Variants in STK10 observed in about 807,000 individuals in gnomAD.
The protein encoded by STK10 is serine/threonine-protein kinase 10.
In STK10, 78 loss-of-function variants were observed where a neutral mutation model predicts 113.8. The observed-to-expected ratio is 0.69, with a 90% CI of 0.57 to 0.83. The LOEUF (loss-of-function observed/expected upper bound fraction) is 0.83, where lower values mean the gene tolerates loss of function less well. STK10 is among the 40% of genes least tolerant of loss of function. The pLI is 0.00. For missense variants in STK10, 1,109 were observed against 1,280.1 expected, an observed-to-expected ratio of 0.87 and a Z score of 2.04; for synonymous variants, 465 against 494.7, an observed-to-expected ratio of 0.94 and a Z score of 0.80.
At chr5:172,064,656 G>T in intron 13 of STK10, 64 bp downstream of exon 13, 1 of 1,538,966 alleles carries the variant, frequency 6.5e-7, no homozygotes. Flanking sequence ...CAGAGAGGGG[G>T]CCTGGTCACC....
At chr5:172,160,430 G>A (rs977694747) in intron 1 of STK10, among the ~76,000 whole-genome samples, 1 of 151,050 alleles carries the variant, frequency 6.6e-6, no homozygotes, top group Non-Finnish European at 1.5e-5. Context: ...AGCCGAGATC[G>A]CACCACTGCA....
chr5:172,174,159 T>TTTG (rs201335043), intron 1 of STK10, among the ~76,000 whole-genome samples: 4 of 151,930 alleles, frequency 2.6e-5, no homozygotes, highest in African/African-American at 4.8e-5. Context: ...GCAGGTATTT[T>TTTG]TTGTTGTTGT....
At position 172,082,739 on chromosome 5, in the gene STK10, A is replaced by G. The variant is rs1394418437; in HGVS notation, c.1809+222T>C. On this transcript the variant is annotated intron_variant, in intron 11 of 18. Transcript: ENST00000176763. The surrounding 1 kb of genome is among the most constrained non-coding windows in gnomAD (Gnocchi z 4.3). The stretch of plus-strand genomic sequence containing the variant: ...TGTTGCACGGTGCTCAATACAGGTT[A>G]TTTCCCCTCTGGAGATCCTCCTGTG... 2.0e-5 allele frequency among the ~76,000 whole-genome samples: 3 copies of G among 152,068 alleles called. No individual in the cohort carries two copies. Among genetic ancestry groups the G allele is most frequent in the African/African-American group, 7.2e-5 (3 of 41,396 alleles).
At chr5:172,113,913 C>CAAA (rs11382952) in intron 4 of STK10, among the ~76,000 whole-genome samples, 1 of 122,258 alleles carries the variant, frequency 8.2e-6, no homozygotes. Flanking sequence ...AACTCCATCT[C>CAAA]AAAAAAAAAA....
chr5:172,139,059 A>G (rs890312829), intron 2 of STK10, among the ~76,000 whole-genome samples: 3 of 152,200 alleles, frequency 2.0e-5, no homozygotes, highest in African/African-American at 4.8e-5. Context: ...ATATAAATGG[A>G]AGACATCCCA....
At chr5:172,141,737 G>C (rs1769976277) in intron 2 of STK10, among the ~76,000 whole-genome samples, 1 of 152,084 alleles carries the variant, frequency 6.6e-6, no homozygotes, top group Admixed American at 6.6e-5. Context: ...TTGTTTCCCT[G>C]GCAACCTCAG....
intron 1 of STK10, among the ~76,000 whole-genome samples, chr5:172,178,363 C>G (rs1449124296): frequency 2.0e-5 from 3 of 152,184 alleles, no homozygotes; most frequent in African/African-American, 7.2e-5. Context: ...ACTTCCTTCC[C>G]TCCACCTTAT....
At position 172,054,599 on chromosome 5, in the gene STK10, C is replaced by T. The variant is rs1218283805; in HGVS notation, c.2622G>A (p.Glu874=). 2 of 1,609,380 alleles carry T rather than the reference C, an allele frequency of 1.2e-6. No individual in the cohort carries two copies. Among genetic ancestry groups the T allele is most frequent in the South Asian group, 2.2e-5 (2 of 91,078 alleles). Residue 874 remains glutamate (E), a synonymous_variant, in exon 17 of 19, where the codon GAG becomes GAA. Coordinates refer to ENST00000176763, the MANE Select transcript of STK10 (RefSeq NM_005990.4). The part of the protein sequence containing the change: ...NQMRDMLAQC[E]SNMSELQQLQ... ...GCTGCTGCAGCTCGCTCATGTTGCT[C>T]TCACACTGCGCCAGCATGTCCCGCA...
chr5:172,122,066 C>T (rs1769522659), intron 3 of STK10, among the ~76,000 whole-genome samples: 1 of 152,082 alleles, frequency 6.6e-6, no homozygotes, highest in African/African-American at 2.4e-5. Flanking sequence ...TGGGCTTTCA[C>T]CATCTTGGCC....
intron 1 of STK10, among the ~76,000 whole-genome samples, chr5:172,162,387 C>G (rs1339815856): frequency 6.6e-6 from 1 of 152,014 alleles, no homozygotes; most frequent in Non-Finnish European, 1.5e-5. Context: ...GTTTAGAATG[C>G]CTTAGCCACC....
At chr5:172,064,612 A>G (rs576041004) in intron 13 of STK10, 108 bp downstream of exon 13, 15 of 1,141,416 alleles carry the variant, frequency 1.3e-5, no homozygotes, top group Admixed American at 1.8e-5. Context: ...GGTATTCAGA[A>G]CGGGGTATTT....
intron 18 of STK10, among the ~76,000 whole-genome samples, chr5:172,052,059 G>C (rs1767640540): frequency 1.3e-5 from 2 of 152,176 alleles, no homozygotes; most frequent in Admixed American, 1.3e-4. Flanking sequence ...CGTGTGGGTG[G>C]AACCTCTGAA....
intron 3 of STK10, among the ~76,000 whole-genome samples, chr5:172,123,291 G>T (rs535107276): frequency 6.7e-4 from 102 of 152,348 alleles, no homozygotes; most frequent in Admixed American, 3.1e-3. Context: ...CCCCATTTCA[G>T]CTTCTCTTTG....
At position 172,055,587 on chromosome 5, in the gene STK10, C is replaced by A; in HGVS notation, c.2526+1G>T. ...GCAGACCCCGCAGGCCCGGCCCCCACCTGCTTGATCTTCTCACGCTGCTCA... is the reference window on the plus strand; with the variant it reads ...GCAGACCCCGCAGGCCCGGCCCCCAACTGCTTGATCTTCTCACGCTGCTCA... On this transcript the variant is annotated splice_donor_variant, in intron 16 of 18. Transcript: ENST00000176763. LOFTEE classifies it high-confidence loss of function. 1 of 1,475,706 alleles carries A rather than the reference C, an allele frequency of 6.8e-7. No individual in the cohort carries two copies. Among genetic ancestry groups the A allele is most frequent in the Non-Finnish European group, 9.1e-7 (1 of 1,103,520 alleles). The allele number at this position is 1,475,706 out of a possible 1,614,324, so 91.4% of individuals were successfully genotyped here.
intron 7 of STK10, among the ~76,000 whole-genome samples, chr5:172,104,285 C>G (rs956611661): frequency 1.3e-5 from 2 of 152,232 alleles, no homozygotes; most frequent in Non-Finnish European, 1.5e-5. Context: ...CATGGGGACA[C>G]TGGTCGGCAG....
chr5:172,172,120 G>A (rs1770673511), intron 1 of STK10, among the ~76,000 whole-genome samples: 1 of 152,194 alleles, frequency 6.6e-6, no homozygotes, highest in Non-Finnish European at 1.5e-5. Context: ...AACCCAGGTG[G>A]TGGAGGTTGC....
rs6555988 is a variant in STK10, at chr5:172,042,829, T to G, written c.*2053A>C. The G allele has an allele frequency of 6.6e-6, 1 of 152,180 alleles. No individual in the cohort carries two copies. Among genetic ancestry groups the G allele is most frequent in the Non-Finnish European group, 1.5e-5 (1 of 68,040 alleles). 9.4% of individuals were successfully genotyped at this position (152,180 alleles called of 1,614,324 possible). The stretch of plus-strand genomic sequence containing the variant: ...ACCATTGCTAGCTCCAAGAGAATCT[T>G]GACTGTGCATTTAAGATTTGGGCAG... On this transcript the variant is annotated 3_prime_UTR_variant, in exon 19 of 19. Transcript: ENST00000176763.
intron 12 of STK10, among the ~76,000 whole-genome samples, chr5:172,076,218 C>CT (rs377568613): frequency 0.038 from 1,638 of 43,368 alleles, 71 homozygotes; most frequent in African/African-American, 0.094. Context: ...GTTGTGGGGG[C>CT]GTCCTGTGCA....
chr5:172,083,378 C>A (rs1193590889), intron 10 of STK10, among the ~76,000 whole-genome samples: 2 of 152,004 alleles, frequency 1.3e-5, no homozygotes, highest in Non-Finnish European at 2.9e-5. Context: ...ATTTTAGAAT[C>A]ACCTATATAG....
Sources: gnomAD v4.1 joint callset for allele counts (sites outside exome capture counted in the v4.1 genomes callset) on GRCh38, gnomAD v4.1.1 for gene constraint, Gnocchi (gnomAD v3.1) non-coding constraint, MANE v1.5 for transcripts, NCBI Gene and HGNC (gene_info 2026-07-23, HGNC 2026-07-21) for gene names.